Variants in STX17 observed in about 807,000 individuals in gnomAD.
STX17 encodes the protein syntaxin-17.
STX17 carries 29 observed loss-of-function variants against 35.9 expected under a neutral mutation model. The observed-to-expected ratio is 0.81, with a 90% CI of 0.60 to 1.10. The LOEUF (loss-of-function observed/expected upper bound fraction) is 1.10. STX17 is among the 50% of genes least tolerant of loss of function. STX17 has a pLI of 0.00. For missense variants in STX17, 312 were observed against 352.3 expected, an observed-to-expected ratio of 0.89 and a Z score of 0.92; for synonymous variants, 92 against 118.3, an observed-to-expected ratio of 0.78 and a Z score of 1.44.
At chr9:99,920,285 T>C (rs1828862487) in intron 2 of STX17, among the ~76,000 whole-genome samples, 1 of 152,198 alleles carries the variant, frequency 6.6e-6, no homozygotes, top group Non-Finnish European at 1.5e-5. Flanking sequence ...TATGAAGATA[T>C]ACAGATATGC....
intron 4 of STX17, among the ~76,000 whole-genome samples, chr9:99,958,930 GAA>G (rs1214561582): frequency 6.6e-6 from 1 of 152,180 alleles, no homozygotes; most frequent in Non-Finnish European, 1.5e-5. Flanking sequence ...AGATTGAGGA[GAA>G]GAGTAGTGAC....
rs1300053446 is a variant in STX17, at chr9:99,973,214, T to G, written c.*4541T>G. On this transcript the variant is annotated 3_prime_UTR_variant, in exon 8 of 8. Transcript: ENST00000259400. ...GAAATATATCTGTGCAATATTAAAT[T>G]GAAAAAAAAAAACCCATAAAAAGTG... Among the ~76,000 whole-genome samples the G allele has an allele frequency of 9.8e-6, 1 of 102,438 alleles. No individual in the cohort carries two copies. The highest frequency in any genetic ancestry group is 2.1e-5 in the Non-Finnish European group (1 of 47,442). The allele number at this position is 102,438 out of a possible 152,430, so 67.2% of individuals were successfully genotyped here.
At position 99,969,309 on chromosome 9, in the gene STX17, A is replaced by G. The variant is rs1181200770; in HGVS notation, c.*636A>G. ...TTCCTCTGCCTCTCTTTAAATAAATAACACAGAATTTCAAGTGGTAGGAGA... is the reference window on the plus strand; with the variant it reads ...TTCCTCTGCCTCTCTTTAAATAAATGACACAGAATTTCAAGTGGTAGGAGA... On this transcript the variant is annotated 3_prime_UTR_variant, in exon 8 of 8. Transcript: ENST00000259400. The G allele has an allele frequency of 6.6e-6, 1 of 152,198 alleles. No homozygotes were observed. Among genetic ancestry groups the G allele is most frequent in the African/African-American group, 2.4e-5 (1 of 41,460 alleles). The allele number at this position is 152,198 out of a possible 1,614,324, so 9.4% of individuals were successfully genotyped here.
intron 1 of STX17, among the ~76,000 whole-genome samples, chr9:99,911,611 T>C (rs898182256): frequency 6.6e-6 from 1 of 152,150 alleles, no homozygotes; most frequent in African/African-American, 2.4e-5. Flanking sequence ...TGAGACAGGA[T>C]CTCACTGTGT....
At chr9:99,940,597 G>A (rs1440749258) in intron 3 of STX17, among the ~76,000 whole-genome samples, 1 of 150,394 alleles carries the variant, frequency 6.6e-6, no homozygotes, top group African/African-American at 2.5e-5. Flanking sequence ...CCCTGCCTCA[G>A]CCTCCCAAGT....
chr9:99,967,837 C>A, intron 7 of STX17, 98 bp downstream of exon 7: 2 of 1,016,258 alleles, frequency 2.0e-6, no homozygotes, highest in Non-Finnish European at 3.1e-6. Context: ...GTTGAGGGAA[C>A]CAGCAATTAA....
intron 1 of STX17, among the ~76,000 whole-genome samples, chr9:99,908,950 C>A (rs1464748511): frequency 2.0e-5 from 3 of 152,216 alleles, no homozygotes; most frequent in Non-Finnish European, 2.9e-5. Flanking sequence ...AGTCTAACAC[C>A]ACAGGGTTCA....
At chr9:99,942,642 CT>C (rs1458665931) in intron 3 of STX17, among the ~76,000 whole-genome samples, 1 of 152,026 alleles carries the variant, frequency 6.6e-6, no homozygotes, top group Admixed American at 6.6e-5. Flanking sequence ...AGATATTCTT[CT>C]ATTTAAAAGT....
chr9:99,941,164 C>G (rs553327803), intron 3 of STX17, among the ~76,000 whole-genome samples: 17 of 152,314 alleles, frequency 1.1e-4, no homozygotes, highest in Admixed American at 3.3e-4. Flanking sequence ...CACTACTTTG[C>G]CACTTTTTGC....
At chr9:99,917,545 G>T (rs1297995365) in intron 2 of STX17, among the ~76,000 whole-genome samples, 4 of 152,220 alleles carry the variant, frequency 2.6e-5, no homozygotes, top group Admixed American at 6.5e-5. Context: ...AGCCTTAGTG[G>T]AGTGATTCTG....
intron 6 of STX17, among the ~76,000 whole-genome samples, chr9:99,963,667 T>C (rs1272765384): frequency 1.3e-5 from 2 of 152,162 alleles, no homozygotes; most frequent in Non-Finnish European, 2.9e-5. Flanking sequence ...CTTGCAAAAA[T>C]TCTACTTTTT....
At chr9:99,932,624 T>C (rs1829148634) in intron 3 of STX17, among the ~76,000 whole-genome samples, 1 of 152,218 alleles carries the variant, frequency 6.6e-6, no homozygotes, top group South Asian at 2.1e-4. Context: ...ACATTGGCTA[T>C]GATCAAAGTA....
Position 99,971,632 on chromosome 9 carries a change from T to C in STX17, c.*2959T>C, listed in dbSNP as rs1206247812. ...TCAGAGAAAATAATTTGCAGAGGTTTACTCAACTACAAAGGGGTGAAGCCA... is the reference window on the plus strand; with the variant it reads ...TCAGAGAAAATAATTTGCAGAGGTTCACTCAACTACAAAGGGGTGAAGCCA... On this transcript the variant is annotated 3_prime_UTR_variant, in exon 8 of 8. Transcript: ENST00000259400. 1.3e-5 allele frequency among the ~76,000 whole-genome samples: 2 copies of C among 152,222 alleles called. No individual in the cohort carries two copies. The highest frequency in any genetic ancestry group is 2.9e-5 in the Non-Finnish European group (2 of 68,042).
intron 3 of STX17, among the ~76,000 whole-genome samples, chr9:99,937,544 T>C (rs1362482936): frequency 2.0e-5 from 3 of 152,248 alleles, no homozygotes; most frequent in Non-Finnish European, 4.4e-5. Flanking sequence ...ATCTATTCAA[T>C]GTATTCTTTA....
intron 4 of STX17, among the ~76,000 whole-genome samples, chr9:99,959,566 C>A (rs1169535358): frequency 6.7e-6 from 1 of 149,826 alleles, no homozygotes; most frequent in Non-Finnish European, 1.5e-5. Flanking sequence ...CTGAAGTGAT[C>A]CCCCCACCTC....
chr9:99,968,878 A>T lies in STX17; in HGVS notation c.*205A>T. 1.6e-6 allele frequency: 1 copy of T among 631,248 alleles called. No individual in the cohort carries two copies. The highest frequency in any genetic ancestry group is 2.4e-6 in the Non-Finnish European group (1 of 410,428). The allele number at this position is 631,248 out of a possible 1,614,324, so 39.1% of individuals were successfully genotyped here. On this transcript the variant is annotated 3_prime_UTR_variant, in exon 8 of 8. Coordinates refer to ENST00000259400, the MANE Select transcript of STX17 (RefSeq NM_017919.3). ...GTTAAGAGATTGAGGCCCTGGGCTG[A>T]GGGTATATAATGTATGTCAGGTAAA...
intron 3 of STX17, among the ~76,000 whole-genome samples, chr9:99,941,408 A>G (rs548141138): frequency 3.2e-4 from 48 of 152,330 alleles, no homozygotes; most frequent in African/African-American, 1.1e-3. Context: ...TTCTGTCCTA[A>G]GGTTAATTGA....
At chr9:99,928,135 G>A (rs1829027746) in intron 2 of STX17, among the ~76,000 whole-genome samples, 1 of 151,916 alleles carries the variant, frequency 6.6e-6, no homozygotes, top group Admixed American at 6.6e-5. Flanking sequence ...ATTTGGTGTT[G>A]ATGTTTATAT....
chr9:99,928,853 T>C lies in STX17; in HGVS notation c.189+10T>C. On this transcript the variant is annotated intron_variant, in intron 3 of 7. Transcript: ENST00000259400. ...AGGACGTACAGTTCAGGTAAGGCTA[T>C]TATATTTTTTCTGCTAAATCAGTAT... 1 of 1,611,998 alleles carries C rather than the reference T, an allele frequency of 6.2e-7. No individual in the cohort carries two copies. The highest frequency in any genetic ancestry group is 8.5e-7 in the Non-Finnish European group (1 of 1,178,742).
Sources: allele counts gnomAD v4.1 joint callset (sites outside exome capture counted in the v4.1 genomes callset), GRCh38; gene constraint gnomAD v4.1.1; transcripts MANE v1.5; gene names NCBI Gene and HGNC (gene_info 2026-07-23, HGNC 2026-07-21).